The following IGSF5 variants were observed in gnomAD, a reference collection of about 807,000 sequenced individuals.
The protein encoded by IGSF5 is immunoglobulin superfamily member 5.
In IGSF5, 41 loss-of-function variants were observed where a neutral mutation model predicts 39.4. The observed-to-expected ratio is 1.04, with a 90% CI of 0.81 to 1.35. The LOEUF (loss-of-function observed/expected upper bound fraction) is 1.35, where lower values mean the gene tolerates loss of function less well. Among genes scored for constraint, IGSF5 ranks in the 40% most tolerant of loss-of-function variants. The pLI is 0.00. For missense variants in IGSF5, 487 were observed against 494.6 expected, an observed-to-expected ratio of 0.98 and a Z score of 0.15; for synonymous variants, 183 against 175.3, an observed-to-expected ratio of 1.04 and a Z score of -0.34.
chr21:39,798,272 C>T (rs73219473), intron 8 of IGSF5, among the ~76,000 whole-genome samples: 15,253 of 152,254 alleles, frequency 0.1, 731 homozygotes, highest in Middle Eastern at 0.14. Flanking sequence ...AATCTGCCTC[C>T]TCCATAACTT....
the IGSF5 span, among the ~76,000 whole-genome samples, chr21:39,724,435 G>T: frequency 6.6e-6 from 1 of 152,140 alleles, no homozygotes; most frequent in South Asian, 2.1e-4. Flanking sequence ...GGACCCTGTG[G>T]GAGGTAATTG....
At chr21:39,800,868 GTTCTT>G (rs2087024744) in intron 8 of IGSF5, among the ~76,000 whole-genome samples, 1 of 152,230 alleles carries the variant, frequency 6.6e-6, no homozygotes. Flanking sequence ...TCTGGAGTCA[GTTCTT>G]CAATTTTGTC....
chr21:39,785,189 C>A (rs912098560), intron 5 of IGSF5, among the ~76,000 whole-genome samples: 3 of 141,708 alleles, frequency 2.1e-5, no homozygotes, highest in Non-Finnish European at 4.6e-5. Flanking sequence ...TATCTCTCCC[C>A]CCTCCCCCAA....
intron 5 of IGSF5, among the ~76,000 whole-genome samples, chr21:39,786,040 G>A (rs893217409): frequency 1.3e-3 from 202 of 152,196 alleles, no homozygotes; most frequent in African/African-American, 4.5e-3. Context: ...TCAGAACATA[G>A]GCATGGGCAA....
At chr21:39,797,670 C>T (rs895915208) in intron 8 of IGSF5, among the ~76,000 whole-genome samples, 3 of 152,090 alleles carry the variant, frequency 2.0e-5, no homozygotes, top group East Asian at 3.9e-4. Flanking sequence ...GCACTTGCTG[C>T]CATGCCTAGC....
At chr21:39,771,382 A>G (rs1339412886) in intron 4 of IGSF5, among the ~76,000 whole-genome samples, 167 bp downstream of exon 4, 9 of 152,052 alleles carry the variant, frequency 5.9e-5, no homozygotes. Context: ...ATAATCTTAT[A>G]CCCTCGTCTG....
At chr21:39,757,670 G>A (rs7282404) in intron 2 of IGSF5, among the ~76,000 whole-genome samples, 17,337 of 151,182 alleles carry the variant, frequency 0.11, 3,278 homozygotes, top group African/African-American at 0.4. Context: ...TGCGCCTCCC[G>A]GGTTCAAGCG....
At chr21:39,748,301 C>CTTGTTTTTTTTTT (rs2079985814) in intron 2 of IGSF5, among the ~76,000 whole-genome samples, 1 of 58,216 alleles carries the variant, frequency 1.7e-5, no homozygotes, top group Non-Finnish European at 3.0e-5. Context: ...AAAACAAGAT[C>CTTGTTTTTTTTTT]TTTTTTTTTT....
chr21:39,739,998 G>T, the IGSF5 span, among the ~76,000 whole-genome samples: 2 of 152,146 alleles, frequency 1.3e-5, no homozygotes, highest in African/African-American at 4.8e-5. Context: ...GCCATCTGAT[G>T]GGTGCTATCA....
chr21:39,785,218 G>A (rs926226372), intron 5 of IGSF5, among the ~76,000 whole-genome samples: 3 of 144,266 alleles, frequency 2.1e-5, no homozygotes, highest in African/African-American at 7.4e-5. Context: ...AACCCTAGAA[G>A]AAAACCTAGG....
chr21:39,783,844 T>C (rs2080183890), intron 5 of IGSF5, among the ~76,000 whole-genome samples: 1 of 152,224 alleles, frequency 6.6e-6, no homozygotes, highest in Non-Finnish European at 1.5e-5. Context: ...AGTAGTTTTA[T>C]GGTTTGGTGT....
At chr21:39,758,903 G>A (rs922231596) in intron 2 of IGSF5, among the ~76,000 whole-genome samples, 2 of 152,198 alleles carry the variant, frequency 1.3e-5, no homozygotes, top group African/African-American at 4.8e-5. Flanking sequence ...TAGACATACA[G>A]AAAGGGGCGC....
chr21:39,730,349 G>C, the IGSF5 span: 1 of 152,092 alleles, frequency 6.6e-6, no homozygotes, highest in Non-Finnish European at 1.5e-5. Flanking sequence ...CCACTATACA[G>C]ACCTTGTTTT....
At chr21:39,727,532 G>C in the IGSF5 span, among the ~76,000 whole-genome samples, 1 of 152,238 alleles carries the variant, frequency 6.6e-6, no homozygotes, top group South Asian at 2.1e-4. Context: ...CTCAGACCCT[G>C]AGCGGTGAAA....
intron 2 of IGSF5, among the ~76,000 whole-genome samples, chr21:39,748,998 C>T (rs1161092045): frequency 6.6e-6 from 1 of 152,026 alleles, no homozygotes; most frequent in African/African-American, 2.4e-5. Context: ...AGGTTCAGCA[C>T]CAGGCGCCTG....
At chr21:39,782,861 G>A (rs1054868780) in intron 5 of IGSF5, among the ~76,000 whole-genome samples, 1 of 152,046 alleles carries the variant, frequency 6.6e-6, no homozygotes, top group Non-Finnish European at 1.5e-5. Context: ...CATTAACCAA[G>A]CTGTCCCTAG....
At chr21:39,721,989 C>A in the IGSF5 span, among the ~76,000 whole-genome samples, 1 of 152,202 alleles carries the variant, frequency 6.6e-6, no homozygotes, top group Non-Finnish European at 1.5e-5. Context: ...CTCCTCAGTA[C>A]AGTTGTTGAG....
intron 2 of IGSF5, among the ~76,000 whole-genome samples, chr21:39,751,931 C>A (rs1392471655): frequency 6.6e-6 from 1 of 152,160 alleles, no homozygotes; most frequent in East Asian, 1.9e-4. Context: ...ATGCCAGCAC[C>A]TTTTTATTGA....
Position 39,745,538 on chromosome 21 carries a change from T to C in IGSF5, c.17+12T>C. 1.4e-6 allele frequency: 1 copy of C among 717,038 alleles called. No individual in the cohort carries two copies. The highest frequency in any genetic ancestry group is 2.6e-6 in the Non-Finnish European group (1 of 384,762). 44.4% of individuals were successfully genotyped at this position (717,038 alleles called of 1,614,324 possible). Reference sequence around the variant, plus strand: ...GGTCAGAAGGAAAGGTAAGGGCGCATGCGTGGGCGACTGTTGAGTAGAGAC... The same window carrying C: ...GGTCAGAAGGAAAGGTAAGGGCGCACGCGTGGGCGACTGTTGAGTAGAGAC... On this transcript the variant is annotated intron_variant, in intron 1 of 8. Transcript: ENST00000380588.
Sources: gnomAD v4.1 joint callset for allele counts (sites outside exome capture counted in the v4.1 genomes callset) on GRCh38, gnomAD v4.1.1 for gene constraint, MANE v1.5 for transcripts, NCBI Gene and HGNC (gene_info 2026-07-23, HGNC 2026-07-21) for gene names.